CNTN4: variants seen among roughly 807,000 people sequenced by gnomAD.
CNTN4 encodes the protein contactin 4, also known as contactin-4.
In CNTN4, 77 loss-of-function variants were observed where a neutral mutation model predicts 122.5. That is an observed-to-expected ratio of 0.63 (90% CI 0.52 to 0.76). The LOEUF is 0.76. CNTN4 is among the 30% of genes least tolerant of loss of function. The pLI is 0.00. For missense variants in CNTN4, 1,256 were observed against 1,259.1 expected, an observed-to-expected ratio of 1.00 and a Z score of 0.04; for synonymous variants, 512 against 447.0, an observed-to-expected ratio of 1.15 and a Z score of -1.83.
intron 3 of CNTN4, among the ~76,000 whole-genome samples, chr3:2,479,587 A>T (rs569624369): frequency 6.6e-6 from 1 of 152,138 alleles, no homozygotes; most frequent in Non-Finnish European, 1.5e-5. Flanking sequence ...GAAGATTGTA[A>T]CCCCATAGTA....
At chr3:2,499,892 C>T (rs995658294) in intron 3 of CNTN4, among the ~76,000 whole-genome samples, 7 of 151,926 alleles carry the variant, frequency 4.6e-5, no homozygotes, top group Admixed American at 3.3e-4. Context: ...TTACTTAGTT[C>T]TTCTTTTATT....
intron 3 of CNTN4, among the ~76,000 whole-genome samples, chr3:2,493,875 G>C (rs2076382820): frequency 6.6e-6 from 1 of 152,114 alleles, no homozygotes; most frequent in Non-Finnish European, 1.5e-5. Flanking sequence ...ATACAGACTT[G>C]ATGACTGGAG....
At position 2,811,860 on chromosome 3, in the gene CNTN4, T is replaced by A. The variant is rs560957721; in HGVS notation, c.359-7626T>A. ...TTTGTATTTTTAGTAGAGACAGGGT[T>A]TCCCCGTGTTGGCCAGGCTGGTCTC... On this transcript the variant is annotated intron_variant, in intron 6 of 24. Transcript: ENST00000418658. Among the ~76,000 whole-genome samples the A allele has an allele frequency of 2.6e-5, 4 of 152,198 alleles. No homozygotes were observed. The East Asian group carries it at 7.8e-4, about 29-fold the overall frequency.
intron 2 of CNTN4, among the ~76,000 whole-genome samples, chr3:2,207,669 C>G (rs893721671): frequency 6.6e-6 from 1 of 152,012 alleles, no homozygotes; most frequent in Admixed American, 6.6e-5. Flanking sequence ...TTAAAGAAAC[C>G]AGCAAGTGTG....
At chr3:2,334,812 A>G (rs1246197188) in intron 2 of CNTN4, among the ~76,000 whole-genome samples, 4 of 152,262 alleles carry the variant, frequency 2.6e-5, no homozygotes, top group Admixed American at 2.6e-4. Flanking sequence ...AGCTTTAGAG[A>G]TGCCGCATCT....
chr3:2,920,156 A>G (rs978483598), intron 12 of CNTN4, among the ~76,000 whole-genome samples: 2 of 151,694 alleles, frequency 1.3e-5, no homozygotes, highest in South Asian at 2.1e-4. Flanking sequence ...AAAAGGAACA[A>G]AAACTCCAAA....
chr3:2,813,784 T>C (rs892864227), intron 6 of CNTN4, among the ~76,000 whole-genome samples: 1 of 152,182 alleles, frequency 6.6e-6, no homozygotes, highest in Non-Finnish European at 1.5e-5. Context: ...CTTCCCCAGC[T>C]CTAAATATTT....
chr3:2,146,577 C>A lies in CNTN4; in HGVS notation c.-145+45938C>A, dbSNP rs1267194043. Among the ~76,000 whole-genome samples the A allele has an allele frequency of 3.3e-5, 5 of 151,816 alleles. No homozygotes were observed. The South Asian group carries it at 1.0e-3, about 32-fold the overall frequency. ...CTCACTTGATATTTTACATTTTATCCCATTGTAAAATAGATACTGGTCATG... is the reference window on the plus strand; with the variant it reads ...CTCACTTGATATTTTACATTTTATCACATTGTAAAATAGATACTGGTCATG... On this transcript the variant is annotated intron_variant, in intron 2 of 24. Transcript: ENST00000418658.
In CNTN4 at chr3:2,733,965, A is replaced by G. The variant is rs116677726; in HGVS notation, c.56-2250A>G. Among the ~76,000 whole-genome samples, 224 of 152,310 alleles carry G rather than the reference A, an allele frequency of 1.5e-3. 1 individual carries two copies. The highest frequency in any genetic ancestry group is 5.2e-3 in the African/African-American group (217 of 41,564). ...AAGGAGAGACAGTGGTAGTGGTGAT[A>G]TGATTCATGACATCTTTGAATGCAA... On this transcript the variant is annotated intron_variant, in intron 4 of 24. Coordinates refer to ENST00000418658, the MANE Select transcript of CNTN4 (RefSeq NM_175607.3).
intron 2 of CNTN4, among the ~76,000 whole-genome samples, chr3:2,238,159 T>A (rs2039756341): frequency 6.6e-6 from 1 of 152,120 alleles, no homozygotes; most frequent in Non-Finnish European, 1.5e-5. Flanking sequence ...AATAACGTAT[T>A]TTGGGATATG....
intron 6 of CNTN4, among the ~76,000 whole-genome samples, chr3:2,781,398 C>T (rs902213111): frequency 1.1e-4 from 17 of 152,096 alleles, no homozygotes; most frequent in Non-Finnish European, 1.8e-4. Flanking sequence ...GAGATCTAAG[C>T]TGTATGCTAA....
intron 4 of CNTN4, among the ~76,000 whole-genome samples, chr3:2,575,061 G>C (rs1383956563): frequency 6.6e-6 from 1 of 152,018 alleles, no homozygotes; most frequent in African/African-American, 2.4e-5. Flanking sequence ...AGGTAGAAGA[G>C]AAGAAGTCTA....
chr3:2,705,928 A>G (rs1246085134), intron 4 of CNTN4, among the ~76,000 whole-genome samples: 3 of 126,992 alleles, frequency 2.4e-5, no homozygotes, highest in African/African-American at 9.0e-5. Flanking sequence ...TATGTAATAT[A>G]TAATTTATAA....
chr3:2,588,014 T>C (rs2080281665), intron 4 of CNTN4, among the ~76,000 whole-genome samples: 1 of 152,110 alleles, frequency 6.6e-6, no homozygotes, highest in African/African-American at 2.4e-5. Context: ...TTATCATCTA[T>C]TTTTGTCCAA....
At chr3:2,788,182 G>C (rs1268872184) in intron 6 of CNTN4, among the ~76,000 whole-genome samples, 3 of 152,182 alleles carry the variant, frequency 2.0e-5, no homozygotes, top group Non-Finnish European at 4.4e-5. Context: ...TACTTACCAT[G>C]TACCAGGCAT....
intron 4 of CNTN4, among the ~76,000 whole-genome samples, chr3:2,631,882 AAAAAAAC>A (rs1237315976): frequency 6.6e-6 from 1 of 150,682 alleles, no homozygotes; most frequent in African/African-American, 2.4e-5. Context: ...AAAAAAACAA[AAAAAAAC>A]AACAACTAAA....
chr3:2,276,356 C>G (rs1330567909), intron 2 of CNTN4, among the ~76,000 whole-genome samples: 4 of 151,742 alleles, frequency 2.6e-5, no homozygotes, highest in African/African-American at 9.7e-5. Flanking sequence ...GTATTTTTAG[C>G]AGAGAGAGGG....
intron 12 of CNTN4, among the ~76,000 whole-genome samples, chr3:2,913,461 A>T (rs538675760): frequency 3.3e-5 from 5 of 152,340 alleles, no homozygotes; most frequent in Admixed American, 2.6e-4. Flanking sequence ...AAATGAAAGA[A>T]TAGAGGAAAA....
intron 16 of CNTN4, among the ~76,000 whole-genome samples, chr3:3,032,868 C>T (rs1241981341): frequency 6.6e-6 from 1 of 152,136 alleles, no homozygotes. Context: ...GAGTCCACTT[C>T]CCTAAAACAA....
Sources: allele counts gnomAD v4.1 joint callset (sites outside exome capture counted in the v4.1 genomes callset), GRCh38; gene constraint gnomAD v4.1.1; transcripts MANE v1.5; gene names NCBI Gene and HGNC (gene_info 2026-07-23, HGNC 2026-07-21).